The following ARHGEF28 variants were observed in gnomAD, a reference collection of about 807,000 sequenced individuals.
The protein encoded by ARHGEF28 is Rho guanine nucleotide exchange factor 28.
A neutral mutation model predicts 206.6 loss-of-function variants in ARHGEF28; 152 were observed. The observed-to-expected ratio is 0.74, with a 90% CI of 0.64 to 0.84. The LOEUF (loss-of-function observed/expected upper bound fraction) is 0.84. Among genes scored for constraint, ARHGEF28 ranks in the 40% least tolerant of loss-of-function variants. The pLI is 0.00. For missense variants in ARHGEF28, 2,028 were observed against 2,073.2 expected, an observed-to-expected ratio of 0.98 and a Z score of 0.42; for synonymous variants, 763 against 776.4, an observed-to-expected ratio of 0.98 and a Z score of 0.29.
Position 73,690,765 on chromosome 5 carries a change from G to C in ARHGEF28, c.33+5881G>C, listed in dbSNP as rs191598656. ...CTTTCTGAAATATCAGTTTAGTGCT[G>C]TGAATAAAACAGAAAAGTCTTGCTT... On this transcript the variant is annotated intron_variant, in intron 2 of 35. Transcript: ENST00000513042. Among the ~76,000 whole-genome samples the C allele has an allele frequency of 6.9e-4, 105 of 152,224 alleles. 1 individual carries two copies. The highest frequency in any genetic ancestry group is 4.8e-3 in the Admixed American group (74 of 15,298).
intron 9 of ARHGEF28, among the ~76,000 whole-genome samples, chr5:73,807,036 G>T (rs1746505163): frequency 7.6e-6 from 1 of 132,064 alleles, no homozygotes; most frequent in Admixed American, 7.7e-5. Context: ...CATGTAAGAG[G>T]TTTTTTTTTT....
At chr5:73,866,191 G>A (rs1298333940) in intron 18 of ARHGEF28, among the ~76,000 whole-genome samples, 178 bp downstream of exon 18, 1 of 152,076 alleles carries the variant, frequency 6.6e-6, no homozygotes, top group African/African-American at 2.4e-5. Flanking sequence ...CAACTTCTAG[G>A]TCAACCTAAG....
intron 4 of ARHGEF28, among the ~76,000 whole-genome samples, chr5:73,761,940 C>G (rs1169349357): frequency 6.6e-6 from 1 of 151,272 alleles, no homozygotes; most frequent in Non-Finnish European, 1.5e-5. Flanking sequence ...AAGTGATTCT[C>G]TTTCCTCATC....
intron 7 of ARHGEF28, among the ~76,000 whole-genome samples, chr5:73,790,535 T>C (rs1356443320): frequency 6.6e-6 from 1 of 152,140 alleles, no homozygotes; most frequent in Admixed American, 6.5e-5. Flanking sequence ...CAGTGGAGCT[T>C]GTTGAATTGA....
intron 14 of ARHGEF28, among the ~76,000 whole-genome samples, chr5:73,856,817 C>T (rs1202916036): frequency 6.6e-6 from 1 of 152,088 alleles, no homozygotes; most frequent in Admixed American, 6.6e-5. Context: ...ATCACTATGG[C>T]AATCATCTAC....
At chr5:73,850,355 A>G (rs1019413171) in intron 13 of ARHGEF28, among the ~76,000 whole-genome samples, 1 of 152,090 alleles carries the variant, frequency 6.6e-6, no homozygotes, top group East Asian at 1.9e-4. Context: ...AAAAGTTACA[A>G]GAGAAAGAAA....
chr5:73,935,548 T>C (rs905136762), intron 35 of ARHGEF28, among the ~76,000 whole-genome samples: 2 of 152,170 alleles, frequency 1.3e-5, no homozygotes, highest in African/African-American at 4.8e-5. Context: ...AGAAAAAATG[T>C]TGTGCATTAA....
In ARHGEF28 at chr5:73,859,296, G is replaced by A. The variant is rs573507722; in HGVS notation, c.2047+1077G>A. Among the ~76,000 whole-genome samples, 7 of 152,286 alleles carry A rather than the reference G, an allele frequency of 4.6e-5. No individual in the cohort carries two copies. The South Asian group carries it at 1.2e-3, about 27-fold the overall frequency. ...TAATTCAGAGAAAAAGTAGTGAGGC[G>A]CAGGCAGGTGGAATAGATTTCATGG... is the stretch of plus-strand genomic sequence containing the variant. On this transcript the variant is annotated intron_variant, in intron 16 of 35. Coordinates refer to ENST00000513042, the MANE Select transcript of ARHGEF28 (RefSeq NM_001177693.2).
chr5:73,766,009 A>C lies in ARHGEF28; in HGVS notation c.476-7846A>C, dbSNP rs113557557. Among the ~76,000 whole-genome samples, 69 of 152,122 alleles carry C rather than the reference A, an allele frequency of 4.5e-4. 1 individual carries two copies. Among genetic ancestry groups the C allele is most frequent in the African/African-American group, 1.4e-3 (57 of 41,490 alleles). ...CTACTAAAAATACAAAAAATTAGCC[A>C]GGCGCAGTGGCGGGTGCCTGTAGTC... is the stretch of plus-strand genomic sequence containing the variant. On this transcript the variant is annotated intron_variant, in intron 4 of 35. Coordinates refer to ENST00000513042, the MANE Select transcript of ARHGEF28 (RefSeq NM_001177693.2).
At chr5:73,716,585 G>A (rs933260152) in intron 2 of ARHGEF28, among the ~76,000 whole-genome samples, 1 of 152,176 alleles carries the variant, frequency 6.6e-6, no homozygotes, top group South Asian at 2.1e-4. Context: ...CTGAGCTCAG[G>A]CCACTGTGTG....
At chr5:73,641,818 A>G (rs1232722653) in intron 1 of ARHGEF28, among the ~76,000 whole-genome samples, 1 of 152,184 alleles carries the variant, frequency 6.6e-6, no homozygotes, top group East Asian at 1.9e-4. Flanking sequence ...ATCACTTTGT[A>G]TCATTTGGAG....
At chr5:73,783,631 A>G (rs1753982127) in intron 7 of ARHGEF28, among the ~76,000 whole-genome samples, 1 of 152,166 alleles carries the variant, frequency 6.6e-6, no homozygotes, top group African/African-American at 2.4e-5. Context: ...CAGTGTGACA[A>G]GATGGGAGAG....
intron 21 of ARHGEF28, among the ~76,000 whole-genome samples, chr5:73,870,552 C>T (rs1353314949): frequency 6.6e-6 from 1 of 152,202 alleles, no homozygotes; most frequent in African/African-American, 2.4e-5. Context: ...TTGGCCTATA[C>T]TCTTACCTCT....
chr5:73,649,922 A>G (rs1744692920), intron 1 of ARHGEF28, among the ~76,000 whole-genome samples: 2 of 152,210 alleles, frequency 1.3e-5, no homozygotes, highest in African/African-American at 4.8e-5. Context: ...AGACCCTCAG[A>G]GTCCCTCTTC....
intron 9 of ARHGEF28, among the ~76,000 whole-genome samples, chr5:73,809,835 C>A (rs1204970490): frequency 2.6e-5 from 4 of 152,152 alleles, no homozygotes; most frequent in Non-Finnish European, 4.4e-5. Flanking sequence ...TGAAAGCATT[C>A]ATACTCTTAC....
At chr5:73,823,051 A>C (rs1013632487) in intron 9 of ARHGEF28, among the ~76,000 whole-genome samples, 1 of 151,736 alleles carries the variant, frequency 6.6e-6, no homozygotes, top group Non-Finnish European at 1.5e-5. Context: ...TGAATGAGGA[A>C]ATTTGGGAGA....
At position 73,840,671 on chromosome 5, in the gene ARHGEF28, G is replaced by A. The variant is rs564501079; in HGVS notation, c.1338G>A (p.Met446Ile). ...ACACTGAAGCCCAGCAGTCCTTCAT[G>A]TCACCATCAAGTTCGTGTGCTTCCA... The part of the protein sequence containing the change: ...TAHTEAQQSF[M>I]SPSSSCASNL... The change falls in exon 11 of 36, where the codon ATG becomes ATA. Residue 446 changes from methionine (M) to isoleucine (I), a missense_variant. Met to Ile is a conservative substitution (Grantham distance 10). This residue lies in a region of ARHGEF28 where 1,002 missense variants were observed against 1,015.3 expected (regional missense o/e 0.99). Coordinates refer to ENST00000513042, the MANE Select transcript of ARHGEF28 (RefSeq NM_001177693.2). The A allele has an allele frequency of 1.9e-6, 3 of 1,613,554 alleles. No homozygotes were observed. In the East Asian group the frequency reaches 6.7e-5, roughly 36 times the overall value.
intron 33 of ARHGEF28, among the ~76,000 whole-genome samples, chr5:73,908,155 G>A (rs1009370885): frequency 2.6e-5 from 4 of 152,120 alleles, no homozygotes; most frequent in Admixed American, 6.5e-5. Context: ...AAATATTCAT[G>A]TGTCTGAAAT....
At chr5:73,882,764 G>A (rs1441922200) in intron 23 of ARHGEF28, among the ~76,000 whole-genome samples, 170 bp downstream of exon 23, 2 of 152,150 alleles carry the variant, frequency 1.3e-5, no homozygotes, top group East Asian at 3.9e-4. Context: ...TTCTGTATTA[G>A]TAAAATATTG....
Sources: gnomAD v4.1 joint callset for allele counts (sites outside exome capture counted in the v4.1 genomes callset) on GRCh38, gnomAD v4.1.1 for gene constraint, gnomAD v4.1.1 regional missense constraint, MANE v1.5 for transcripts, NCBI Gene and HGNC (gene_info 2026-07-23, HGNC 2026-07-21) for gene names.